Variants in FRAS1 observed in about 807,000 individuals in gnomAD.
FRAS1 encodes Fraser extracellular matrix complex subunit 1.
A neutral mutation model predicts 435.2 loss-of-function variants in FRAS1; 290 were observed. The ratio of observed to expected loss-of-function variants is 0.67; its 90% CI spans 0.61 to 0.73. FRAS1 has a LOEUF of 0.73. Ranked by LOEUF, FRAS1 falls within the 30% of genes least tolerant of loss-of-function variation. The pLI, the probability that FRAS1 is intolerant of heterozygous loss-of-function variation, is 0.00. For synonymous variants in FRAS1, 1,800 were observed against 1,851.0 expected, an observed-to-expected ratio of 0.97 and a Z score of 0.71; for missense variants, 4,860 against 5,001.5, an observed-to-expected ratio of 0.97 and a Z score of 0.85.
At chr4:78,536,416 G>T (rs1231115353) in intron 71 of FRAS1, among the ~76,000 whole-genome samples, 2 of 152,018 alleles carry the variant, frequency 1.3e-5, no homozygotes, top group Non-Finnish European at 2.9e-5. Context: ...TATAGCATTT[G>T]GGTGATTAAT....
chr4:78,329,075 ACT>A (rs1715120018), intron 18 of FRAS1, among the ~76,000 whole-genome samples: 2 of 152,136 alleles, frequency 1.3e-5, no homozygotes, highest in Admixed American at 1.3e-4. Flanking sequence ...CTACCATCCC[ACT>A]CTCTCAGTAT....
At chr4:78,140,701 ATGCATATACGTGTG>A (rs1318944097) in intron 2 of FRAS1, among the ~76,000 whole-genome samples, 5 of 77,542 alleles carry the variant, frequency 6.4e-5, no homozygotes, top group East Asian at 4.7e-4. Flanking sequence ...ATATGTGTAT[ATGCATATACGTGTG>A]TGTATATGTA....
chr4:78,488,909 A>G lies in FRAS1; in HGVS notation c.8787A>G (p.Leu2929=). ...TGCAGTTTGCCAAGGATTTGCTCCT[A>G]GTGAAGGAGAAGGAGGGTGTCCTGC... The part of the protein sequence containing the change: ...PSMQFAKDLL[L]VKEKEGVLHV... Residue 2929 remains leucine, a synonymous_variant, in exon 59 of 74, where the codon CTA becomes CTG. Transcript: ENST00000512123. The G allele has an allele frequency of 4.3e-6, 7 of 1,613,102 alleles. No individual in the cohort carries two copies. Among genetic ancestry groups the G allele is most frequent in the Non-Finnish European group, 5.9e-6 (7 of 1,179,636 alleles).
chr4:78,303,099 A>G (rs1371683022), intron 14 of FRAS1, among the ~76,000 whole-genome samples: 1 of 152,124 alleles, frequency 6.6e-6, no homozygotes, highest in Non-Finnish European at 1.5e-5. Flanking sequence ...TCCCAGCACC[A>G]TTTATTAAAT....
intron 2 of FRAS1, among the ~76,000 whole-genome samples, chr4:78,164,150 G>A (rs1388313680): frequency 6.6e-6 from 1 of 152,180 alleles, no homozygotes; most frequent in East Asian, 1.9e-4. Flanking sequence ...GATAGATGTT[G>A]CAGAGCAAAT....
At chr4:78,326,613 T>C (rs1469798269) in intron 18 of FRAS1, among the ~76,000 whole-genome samples, 6 of 152,188 alleles carry the variant, frequency 3.9e-5, no homozygotes, top group African/African-American at 1.4e-4. Context: ...TCCTAGGTAG[T>C]AGATTTATGT....
At chr4:78,125,791 C>T (rs1462890804) in intron 2 of FRAS1, among the ~76,000 whole-genome samples, 2 of 152,164 alleles carry the variant, frequency 1.3e-5, no homozygotes, top group Non-Finnish European at 2.9e-5. Context: ...AGATGTCTGT[C>T]AGCCCCTACT....
intron 45 of FRAS1, among the ~76,000 whole-genome samples, chr4:78,451,472 G>A (rs139297402): frequency 0.012 from 1,794 of 152,262 alleles, 19 homozygotes; most frequent in Middle Eastern, 0.037. Flanking sequence ...TGTGGATCTC[G>A]TTTTCATGAG....
At chr4:78,474,155 G>A (rs931912710) in intron 53 of FRAS1, among the ~76,000 whole-genome samples, 3 of 152,170 alleles carry the variant, frequency 2.0e-5, no homozygotes, top group African/African-American at 7.2e-5. Context: ...TTTGGGTTTG[G>A]TAGGAATGTA....
chr4:78,208,463 A>G (rs1723357038), intron 2 of FRAS1, among the ~76,000 whole-genome samples: 1 of 152,218 alleles, frequency 6.6e-6, no homozygotes, highest in Non-Finnish European at 1.5e-5. Flanking sequence ...TCGCCAGAAA[A>G]AGAATTCAGA....
intron 2 of FRAS1, among the ~76,000 whole-genome samples, chr4:78,102,719 A>C (rs1578124486): frequency 6.6e-6 from 1 of 152,296 alleles, no homozygotes; most frequent in South Asian, 2.1e-4. Context: ...TCACATTACT[A>C]TGGGTTTCTC....
chr4:78,178,191 C>T, intron 2 of FRAS1, among the ~76,000 whole-genome samples: 1 of 151,972 alleles, frequency 6.6e-6, no homozygotes, highest in Non-Finnish European at 1.5e-5. Context: ...GTGTTCTCTC[C>T]TTTTTTTAAA....
chr4:78,534,476 G>A lies in FRAS1; in HGVS notation c.10953G>A (p.Gln3651=), dbSNP rs1721820390. The A allele has an allele frequency of 6.2e-7, 1 of 1,613,100 alleles. No homozygotes were observed. Among genetic ancestry groups the A allele is most frequent in the Non-Finnish European group, 8.5e-7 (1 of 1,179,580 alleles). ...ERFLIPIAFQ[Q]TNRPVPVVYS... ...TCCTGATACCCATTGCATTCCAGCA[G>A]ACCAACCGCCCTGTGCCAGTTGTGT... Residue 3651 remains glutamine, a synonymous_variant, in exon 71 of 74, where the codon CAG becomes CAA. Coordinates refer to ENST00000512123, the MANE Select transcript of FRAS1 (RefSeq NM_025074.7).
At chr4:78,384,907 CAAAAAAAAA>C (rs11315732) in intron 28 of FRAS1, among the ~76,000 whole-genome samples, 11 of 101,774 alleles carry the variant, frequency 1.1e-4, no homozygotes, top group Admixed American at 8.2e-4. Flanking sequence ...GACCCTGTCT[CAAAAAAAAA>C]AAAAAAAAAA....
At chr4:78,308,917 G>A (rs891373771) in intron 15 of FRAS1, among the ~76,000 whole-genome samples, 8 of 152,180 alleles carry the variant, frequency 5.3e-5, no homozygotes, top group Non-Finnish European at 1.2e-4. Flanking sequence ...GTCCTAATCC[G>A]TGGAACTGTC....
intron 18 of FRAS1, among the ~76,000 whole-genome samples, chr4:78,331,508 G>C (rs970220422): frequency 6.6e-6 from 1 of 152,156 alleles, no homozygotes; most frequent in Non-Finnish European, 1.5e-5. Context: ...CAGTACTGAC[G>C]AACCAGGACA....
In FRAS1 at chr4:78,369,886, C is replaced by T; in HGVS notation, c.2771C>T (p.Ser924Phe). 6.2e-7 allele frequency: 1 copy of T among 1,613,624 alleles called. No homozygotes were observed. Among genetic ancestry groups the T allele is most frequent in the Non-Finnish European group, 8.5e-7 (1 of 1,179,716 alleles). ...GSCDSQASCT[S>F]CRDPNKVLLF... ...TGTGATTCACAGGCCAGCTGTACCT[C>T]CTGCCGAGATCCAAACAAGGTTCTG... is the stretch of plus-strand genomic sequence containing the variant. Residue 924 changes from serine (S) to phenylalanine (F), a missense_variant, in exon 23 of 74, where the codon TCC becomes TTC. Coordinates refer to ENST00000512123, the MANE Select transcript of FRAS1 (RefSeq NM_025074.7).
Position 78,400,837 on chromosome 4 carries a change from C to T in FRAS1, c.4079C>T (p.Ala1360Val), listed in dbSNP as rs773493090. ...NRILQAEAPG[A>V]SAEEIIYKIT... ...ATCTTACAGGCCGAGGCTCCTGGTG[C>T]CAGTGCTGAAGAAATCATCTACAAG... Residue 1360 changes from alanine (A) to valine (V), a missense_variant, in exon 30 of 74, where the codon GCC becomes GTC. Ala to Val is a moderately conservative substitution (Grantham distance 64, BLOSUM62 0). Coordinates refer to ENST00000512123, the MANE Select transcript of FRAS1 (RefSeq NM_025074.7). 2.5e-6 allele frequency: 4 copies of T among 1,613,634 alleles called. No individual in the cohort carries two copies. The highest frequency in any genetic ancestry group is 3.4e-6 in the Non-Finnish European group (4 of 1,179,744).
At chr4:78,081,284 G>A (rs1740882353) in intron 2 of FRAS1, among the ~76,000 whole-genome samples, 1 of 152,158 alleles carries the variant, frequency 6.6e-6, no homozygotes, top group Admixed American at 6.6e-5. Context: ...CCATATCTGT[G>A]TTGTTTGCTA....
Sources: allele counts gnomAD v4.1 joint callset (sites outside exome capture counted in the v4.1 genomes callset), GRCh38; gene constraint gnomAD v4.1.1; transcripts MANE v1.5; gene names NCBI Gene and HGNC (gene_info 2026-07-23, HGNC 2026-07-21).